Variants in FOXP2 observed in about 807,000 individuals in gnomAD.
FOXP2 encodes the protein forkhead box P2.
FOXP2 carries 12 observed loss-of-function variants against 115.8 expected under a neutral mutation model. The ratio of observed to expected loss-of-function variants is 0.10; its 90% CI spans 0.07 to 0.17. FOXP2 has a LOEUF of 0.17. Ranked by LOEUF, FOXP2 falls within the 10% of genes least tolerant of loss-of-function variation. The pLI is 1.00. For missense variants in FOXP2, 629 were observed against 843.5 expected (o/e 0.75, Z 3.15); for synonymous variants, 328 against 297.7 (o/e 1.10, Z -1.05).
At chr7:114,182,919 C>T (rs941378524) in intron 1 of FOXP2, among the ~76,000 whole-genome samples, 1 of 151,970 alleles carries the variant, frequency 6.6e-6, no homozygotes, top group African/African-American at 2.4e-5. Context: ...AGAAATAACA[C>T]TTGTATTATG....
At chr7:114,550,568 C>G (rs956436840) in intron 3 of FOXP2, among the ~76,000 whole-genome samples, 38 of 152,112 alleles carry the variant, frequency 2.5e-4, no homozygotes, top group African/African-American at 8.9e-4. Context: ...ATTGCAACCC[C>G]TTTGTTAAAT....
At chr7:114,406,135 A>G (rs536563062) in intron 2 of FOXP2, among the ~76,000 whole-genome samples, 1 of 152,036 alleles carries the variant, frequency 6.6e-6, no homozygotes, top group East Asian at 1.9e-4. Context: ...GGAAAAATGA[A>G]ATTGGATTGC....
At chr7:114,667,760 C>G (rs543081792) in intron 16 of FOXP2, 2 of 152,016 alleles carry the variant, frequency 1.3e-5, no homozygotes. Flanking sequence ...GACTTTGACA[C>G]GATCAGAGCT....
At chr7:114,612,795 A>G (rs1056205198) in intron 3 of FOXP2, among the ~76,000 whole-genome samples, 24 of 152,194 alleles carry the variant, frequency 1.6e-4, no homozygotes, top group African/African-American at 5.8e-4. Flanking sequence ...ATGGATATAA[A>G]TTATTATATT....
intron 2 of FOXP2, among the ~76,000 whole-genome samples, chr7:114,345,576 T>C (rs536057879): frequency 1.1e-4 from 16 of 151,938 alleles, no homozygotes; most frequent in African/African-American, 1.7e-4. Context: ...TGAATTTCTT[T>C]AGTGTTCCTA....
At chr7:114,315,967 G>A (rs1419629244) in intron 2 of FOXP2, among the ~76,000 whole-genome samples, 1 of 152,112 alleles carries the variant, frequency 6.6e-6, no homozygotes, top group Admixed American at 6.6e-5. Flanking sequence ...TTACACTTAG[G>A]AACACTAGTC....
intron 1 of FOXP2, among the ~76,000 whole-genome samples, chr7:114,279,241 G>A (rs562062293): frequency 1.3e-5 from 2 of 152,218 alleles, no homozygotes; most frequent in East Asian, 1.9e-4. Context: ...CTCCTTACTG[G>A]TAAATGTATT....
chr7:114,493,836 CT>C (rs1189370677), intron 2 of FOXP2, among the ~76,000 whole-genome samples: 116 of 142,636 alleles, frequency 8.1e-4, no homozygotes, highest in East Asian at 1.2e-3. Context: ...ACAATGTGGC[CT>C]TTTTTTTTTT....
Position 114,352,084 on chromosome 7 carries a change from A to G in FOXP2, c.-11+63975A>G, listed in dbSNP as rs566644344. On this transcript the variant is annotated intron_variant, in intron 2 of 17. Coordinates refer to the FOXP2 transcript ENST00000634411. Reference sequence around the variant, plus strand: ...GGAGTTCAAGACCAGCTGGGGCAACATGGCAAAATGCCATCTCTAACAAAA... The same window carrying G: ...GGAGTTCAAGACCAGCTGGGGCAACGTGGCAAAATGCCATCTCTAACAAAA... Among the ~76,000 whole-genome samples the G allele has an allele frequency of 1.5e-3, 229 of 151,892 alleles. 1 individual carries two copies. The highest frequency in any genetic ancestry group is 3.4e-3 in the Middle Eastern group (1 of 294).
At chr7:114,426,847 A>C (rs545735140) in intron 2 of FOXP2, among the ~76,000 whole-genome samples, 168 bp downstream of exon 2, 3 of 151,764 alleles carry the variant, frequency 2.0e-5, no homozygotes, top group African/African-American at 7.2e-5. Context: ...TAAGATTTTC[A>C]TATTAGTTAC....
At chr7:114,678,264 A>G (rs1807882750) in intron 16 of FOXP2, among the ~76,000 whole-genome samples, 1 of 152,190 alleles carries the variant, frequency 6.6e-6, no homozygotes, top group Non-Finnish European at 1.5e-5. Context: ...GGAGATGAGC[A>G]AAGATGACTA....
chr7:114,477,397 C>T (rs1229050093), intron 2 of FOXP2, among the ~76,000 whole-genome samples: 3 of 151,920 alleles, frequency 2.0e-5, no homozygotes, highest in African/African-American at 7.2e-5. Flanking sequence ...AGCAAATTAA[C>T]ACAGCAACAG....
intron 3 of FOXP2, among the ~76,000 whole-genome samples, chr7:114,600,879 G>A (rs758347917): frequency 1.1e-4 from 16 of 150,316 alleles, no homozygotes; most frequent in Non-Finnish European, 3.0e-5. Context: ...AGAGTTCTTT[G>A]TATATTGTAG....
In FOXP2 at chr7:114,493,746, T is replaced by C. The variant is rs545915710; in HGVS notation, c.169-40871T>C. Among the ~76,000 whole-genome samples, 21 of 152,124 alleles carry C rather than the reference T, an allele frequency of 1.4e-4. No individual in the cohort carries two copies. The East Asian group carries it at 3.7e-3, about 27-fold the overall frequency. On this transcript the variant is annotated intron_variant, in intron 2 of 16. Transcript: ENST00000350908. Reference sequence around the variant, plus strand: ...GATTTACTAAAGAAAACTGAAAAGTTATATGCAAACAAAGCATCTTTAATA... The same window carrying C: ...GATTTACTAAAGAAAACTGAAAAGTCATATGCAAACAAAGCATCTTTAATA...
intron 2 of FOXP2, among the ~76,000 whole-genome samples, chr7:114,493,778 T>G (rs1367944497): frequency 6.6e-6 from 1 of 151,778 alleles, no homozygotes. Flanking sequence ...AATAGATTTG[T>G]GCCCTTCTAC....
chr7:114,390,343 C>G lies in FOXP2; in HGVS notation c.-10-36159C>G, dbSNP rs376710627. On this transcript the variant is annotated intron_variant, in intron 2 of 17. Coordinates refer to the FOXP2 transcript ENST00000634411. ...TCATTCTACAGAGTAAACTGGTGCT[C>G]AGGAGCAGAGCCTGAATTTGTTTAT... Among the ~76,000 whole-genome samples the G allele has an allele frequency of 1.2e-4, 19 of 152,096 alleles. No homozygotes were observed. In the East Asian group the frequency reaches 1.4e-3, roughly 11 times the overall value.
rs183062647 is a variant in FOXP2 at position 114,514,754 on chromosome 7, G to A, written c.169-19863G>A. On this transcript the variant is annotated intron_variant, in intron 2 of 16. Coordinates refer to ENST00000350908, the MANE Select transcript of FOXP2 (RefSeq NM_014491.4). ...TTATTATTGAACTTTAAGTTTTAGG[G>A]TACATGTGCACAATGTGTTATTTAC... 1.8e-3 allele frequency among the ~76,000 whole-genome samples: 269 copies of A among 149,200 alleles called. 2 individuals carry two copies. Among genetic ancestry groups the A allele is most frequent in the African/African-American group, 6.4e-3 (259 of 40,528 alleles).
chr7:114,245,748 T>A (rs13222741), intron 1 of FOXP2, among the ~76,000 whole-genome samples: 1 of 152,296 alleles, frequency 6.6e-6, no homozygotes, highest in African/African-American at 2.4e-5. Context: ...ATAAGACTTG[T>A]ACATGTGTTT....
intron 16 of FOXP2, among the ~76,000 whole-genome samples, chr7:114,673,253 T>C (rs974199494): frequency 1.2e-4 from 19 of 152,230 alleles, no homozygotes; most frequent in African/African-American, 4.1e-4. Context: ...TGTTTATTGA[T>C]AGTTTTCATT....
Sources: gnomAD v4.1 joint callset for allele counts (sites outside exome capture counted in the v4.1 genomes callset) on GRCh38, gnomAD v4.1.1 for gene constraint, MANE v1.5 for transcripts, NCBI Gene and HGNC (gene_info 2026-07-23, HGNC 2026-07-21) for gene names.